PDGFRL: variants seen among roughly 807,000 people sequenced by gnomAD.
The protein encoded by PDGFRL is platelet-derived growth factor receptor-like protein.
A neutral mutation model predicts 37.2 loss-of-function variants in PDGFRL; 46 were observed. The ratio of observed to expected loss-of-function variants is 1.24; its 90% confidence interval spans 0.98 to 1.58. The LOEUF is 1.58. Ranked by LOEUF, PDGFRL falls within the 40% of genes most tolerant of loss-of-function variation. The pLI is 0.00. For missense variants in PDGFRL, 692 were observed against 467.6 expected, an observed-to-expected ratio of 1.48 and a Z score of -4.43; for synonymous variants, 251 against 184.3, an observed-to-expected ratio of 1.36 and a Z score of -2.93.
chr8:17,581,973 G>C (rs1011454510), intron 1 of PDGFRL, among the ~76,000 whole-genome samples: 2 of 152,292 alleles, frequency 1.3e-5, no homozygotes, highest in South Asian at 2.1e-4. Flanking sequence ...AATCGGAAGA[G>C]TTTGGAGGGC....
chr8:17,634,897 A>G (rs1804938646), intron 5 of PDGFRL, among the ~76,000 whole-genome samples: 1 of 152,160 alleles, frequency 6.6e-6, no homozygotes, highest in African/African-American at 2.4e-5. Context: ...TGGGTGAGGA[A>G]ATGATCTGTC....
intron 1 of PDGFRL, among the ~76,000 whole-genome samples, chr8:17,584,808 C>T (rs1046945794): frequency 6.6e-6 from 1 of 150,794 alleles, no homozygotes; most frequent in Non-Finnish European, 1.5e-5. Context: ...TCTTGGATCT[C>T]GTGTAAGAAA....
intron 1 of PDGFRL, 53 bp downstream of exon 1, chr8:17,577,360 G>A: frequency 6.8e-7 from 1 of 1,480,966 alleles, no homozygotes; most frequent in South Asian, 1.2e-5. Context: ...CTTTAGCCGG[G>A]ACCCGAAGCC....
Position 17,642,909 on chromosome 8 carries a change from A to ACC in PDGFRL, c.*111_*112dup. ...GCCAGAGGCTGATGTCAAGCACCAC[A>ACC]CCCCAACCCCAGCGTCTCGTGAGTC... On this transcript the variant is annotated 3_prime_UTR_variant, in exon 6 of 6. Coordinates refer to ENST00000251630, the MANE Select transcript of PDGFRL (RefSeq NM_001372073.1). 2 of 682,020 alleles carry ACC rather than the reference A, an allele frequency of 2.9e-6. No individual in the cohort carries two copies. Among genetic ancestry groups the ACC allele is most frequent in the Non-Finnish European group, 5.1e-6 (2 of 391,556 alleles). 42.2% of individuals were successfully genotyped at this position (682,020 alleles called of 1,614,324 possible). A position where few individuals can be genotyped will look rare whatever the true frequency, so the allele number is the denominator to read the frequency against.
intron 5 of PDGFRL, among the ~76,000 whole-genome samples, chr8:17,638,580 T>C (rs964463625): frequency 6.6e-6 from 1 of 151,686 alleles, no homozygotes; most frequent in African/African-American, 2.4e-5. Context: ...GGTTATAGTT[T>C]AAATCCATTG....
At chr8:17,598,198 G>A (rs373777221) in intron 2 of PDGFRL, among the ~76,000 whole-genome samples, 40 of 152,340 alleles carry the variant, frequency 2.6e-4, no homozygotes, top group African/African-American at 9.1e-4. Flanking sequence ...CAGAGGCTGA[G>A]GCACAGCTAG....
At chr8:17,634,623 G>A (rs1804932616) in intron 5 of PDGFRL, among the ~76,000 whole-genome samples, 1 of 152,030 alleles carries the variant, frequency 6.6e-6, no homozygotes, top group African/African-American at 2.4e-5. Flanking sequence ...ATACACCAAA[G>A]AATACTATGC....
chr8:17,609,665 A>AT (rs1804365544), intron 2 of PDGFRL, among the ~76,000 whole-genome samples: 3 of 97,522 alleles, frequency 3.1e-5, no homozygotes, highest in Admixed American at 1.1e-4. Context: ...AAAAAAAAAA[A>AT]TAAGAGCCAA....
chr8:17,578,331 C>T (rs1425300574), intron 1 of PDGFRL, among the ~76,000 whole-genome samples: 5 of 152,186 alleles, frequency 3.3e-5, no homozygotes, highest in African/African-American at 1.2e-4. Flanking sequence ...TGACCAGTTC[C>T]TTTCTTTCCT....
chr8:17,628,678 T>C lies in PDGFRL; in HGVS notation c.697T>C (p.Tyr233His). The change falls in exon 4 of 6, where the codon TAT (tyrosine) becomes CAT (histidine). Residue 233 changes from tyrosine (Y) to histidine (H), a missense_variant. Coordinates refer to ENST00000251630, the MANE Select transcript of PDGFRL (RefSeq NM_001372073.1). Reference sequence around the variant, plus strand: ...TTATGACATGAAGCGGGGCTTTGTGTATCTGCAACCTCATTCCGAGCACCA... The same window carrying C: ...TTATGACATGAAGCGGGGCTTTGTGCATCTGCAACCTCATTCCGAGCACCA... ...IVYDMKRGFV[Y>H]LQPHSEHQGV... 6.2e-7 allele frequency: 1 copy of C among 1,614,078 alleles called. No individual in the cohort carries two copies. The highest frequency in any genetic ancestry group is 8.5e-7 in the Non-Finnish European group (1 of 1,179,914).
intron 4 of PDGFRL, among the ~76,000 whole-genome samples, chr8:17,630,217 G>T (rs970295516): frequency 6.6e-6 from 1 of 152,098 alleles, no homozygotes; most frequent in South Asian, 2.1e-4. Context: ...TCAAATTCCC[G>T]CCTCATTCTC....
At position 17,599,286 on chromosome 8, in the gene PDGFRL, C is replaced by T. The variant is rs1438924710; in HGVS notation, c.353+9521C>T. Among the ~76,000 whole-genome samples, 6 of 152,296 alleles carry T rather than the reference C, an allele frequency of 3.9e-5. 1 individual carries two copies. In the South Asian group the frequency reaches 1.2e-3, roughly 32 times the overall value. ...TATTTGCATATTTGTTATCTTTTAT[C>T]CCTCACTGCCCCAAACTCTTCCCCC... On this transcript the variant is annotated intron_variant, in intron 2 of 5. Coordinates refer to ENST00000251630, the MANE Select transcript of PDGFRL (RefSeq NM_001372073.1).
At chr8:17,616,297 C>T (rs536650605) in intron 2 of PDGFRL, among the ~76,000 whole-genome samples, 3 of 152,212 alleles carry the variant, frequency 2.0e-5, no homozygotes, top group Non-Finnish European at 2.9e-5. Flanking sequence ...CGGGTTCAAG[C>T]GATTGTCCTG....
Position 17,628,695 on chromosome 8 carries a change from C to T in PDGFRL, c.714C>T (p.Ser238=), listed in dbSNP as rs999704813. Residue 238 remains serine, a synonymous_variant, in exon 4 of 6, where the codon TCC becomes TCT. Coordinates refer to ENST00000251630, the MANE Select transcript of PDGFRL (RefSeq NM_001372073.1). ...GCTTTGTGTATCTGCAACCTCATTC[C>T]GAGCACCAGGGTGTGGTTTACTGCA... ...KRGFVYLQPH[S]EHQGVVYCRA... The T allele has an allele frequency of 4.3e-6, 7 of 1,613,768 alleles. No homozygotes were observed. In the Admixed American group the frequency reaches 5.0e-5, roughly 12 times the overall value.
intron 2 of PDGFRL, among the ~76,000 whole-genome samples, chr8:17,606,015 T>G (rs1432897631): frequency 6.6e-6 from 1 of 152,126 alleles, no homozygotes; most frequent in African/African-American, 2.4e-5. Context: ...CCAGCCAGGC[T>G]CATCATGTCA....
At chr8:17,626,508 C>T (rs1804737876) in intron 3 of PDGFRL, among the ~76,000 whole-genome samples, 1 of 152,122 alleles carries the variant, frequency 6.6e-6, no homozygotes, top group Non-Finnish European at 1.5e-5. Flanking sequence ...GATGATGTGT[C>T]CAGGAATTCT....
chr8:17,592,252 T>C (rs75886933), intron 2 of PDGFRL, among the ~76,000 whole-genome samples: 3,289 of 152,324 alleles, frequency 0.022, 97 homozygotes, highest in African/African-American at 0.064. Flanking sequence ...ACCTAATACA[T>C]GACTCAGTTC....
At chr8:17,640,968 C>T (rs10888138) in intron 5 of PDGFRL, among the ~76,000 whole-genome samples, 10 of 151,304 alleles carry the variant, frequency 6.6e-5, no homozygotes, top group East Asian at 2.0e-4. Context: ...TTGGGACTGG[C>T]GGTGTGGTTC....
chr8:17,625,418 G>A (rs946566861), intron 3 of PDGFRL, among the ~76,000 whole-genome samples: 8 of 151,568 alleles, frequency 5.3e-5, no homozygotes, highest in Non-Finnish European at 1.0e-4. Flanking sequence ...CCAAAGTGCC[G>A]GGATTACAGG....
Sources: gnomAD v4.1 joint callset for allele counts (sites outside exome capture counted in the v4.1 genomes callset) on GRCh38, gnomAD v4.1.1 for gene constraint, MANE v1.5 for transcripts, NCBI Gene and HGNC (gene_info 2026-07-23, HGNC 2026-07-21) for gene names.